Variants in ARHGAP24 observed in about 807,000 individuals in gnomAD.
The protein encoded by ARHGAP24 is Rho GTPase activating protein 24.
A neutral mutation model predicts 76.4 loss-of-function variants in ARHGAP24; 50 were observed. The ratio of observed to expected loss-of-function variants is 0.65; its 90% CI spans 0.52 to 0.83. ARHGAP24 has a LOEUF of 0.83. Among genes scored for constraint, ARHGAP24 ranks in the 40% least tolerant of loss-of-function variants. The pLI is 0.00. For missense variants in ARHGAP24, 930 were observed against 914.2 expected (o/e 1.02, Z -0.22); for synonymous variants, 345 against 323.3 (o/e 1.07, Z -0.72).
At chr4:85,787,481 T>G (rs938680512) in intron 3 of ARHGAP24, among the ~76,000 whole-genome samples, 1 of 152,192 alleles carries the variant, frequency 6.6e-6, no homozygotes, top group Non-Finnish European at 1.5e-5. Context: ...CCAATCCCAT[T>G]TATTTTGTGA....
chr4:85,854,024 A>G (rs1481348856), intron 3 of ARHGAP24, among the ~76,000 whole-genome samples: 3 of 151,380 alleles, frequency 2.0e-5, no homozygotes, highest in Non-Finnish European at 4.4e-5. Context: ...AATCTCAGCT[A>G]CTCAGGAACC....
chr4:85,873,427 T>C (rs1732652599), intron 3 of ARHGAP24, among the ~76,000 whole-genome samples: 1 of 152,216 alleles, frequency 6.6e-6, no homozygotes, highest in Non-Finnish European at 1.5e-5. Flanking sequence ...AATCAATTTT[T>C]GTCATTCAGC....
At chr4:85,852,103 G>A (rs1021236923) in intron 3 of ARHGAP24, among the ~76,000 whole-genome samples, 1 of 152,150 alleles carries the variant, frequency 6.6e-6, no homozygotes, top group Admixed American at 6.5e-5. Flanking sequence ...ACGTAGATTT[G>A]ATCTTCTCAC....
At chr4:85,713,324 A>C (rs187255145) in intron 2 of ARHGAP24, among the ~76,000 whole-genome samples, 1 of 152,158 alleles carries the variant, frequency 6.6e-6, no homozygotes, top group African/African-American at 2.4e-5. Context: ...AAGTTCATTA[A>C]TTAATAAAAA....
chr4:85,758,115 A>T (rs1480681212), intron 3 of ARHGAP24, among the ~76,000 whole-genome samples: 2 of 152,230 alleles, frequency 1.3e-5, no homozygotes, highest in African/African-American at 4.8e-5. Context: ...TTCTGTCAAA[A>T]ATACAATGGC....
chr4:85,862,607 ATTCCT>A (rs1464765583), intron 3 of ARHGAP24, among the ~76,000 whole-genome samples: 1 of 152,042 alleles, frequency 6.6e-6, no homozygotes, highest in African/African-American at 2.4e-5. Context: ...CCTACTCTGA[ATTCCT>A]GTCCCAGCCT....
At chr4:85,717,237 C>G (rs532113820) in intron 2 of ARHGAP24, among the ~76,000 whole-genome samples, 30 of 152,082 alleles carry the variant, frequency 2.0e-4, no homozygotes, top group South Asian at 1.7e-3. Context: ...TCATCTTTTA[C>G]TCTTCCTTCT....
chr4:85,945,471 C>T (rs1056467401), intron 5 of ARHGAP24, among the ~76,000 whole-genome samples: 2 of 151,802 alleles, frequency 1.3e-5, no homozygotes, highest in African/African-American at 4.8e-5. Flanking sequence ...TTAAAAGTTA[C>T]ATATGAAAAG....
intron 5 of ARHGAP24, among the ~76,000 whole-genome samples, chr4:85,970,291 C>T (rs940545304): frequency 1.3e-5 from 2 of 152,180 alleles, no homozygotes; most frequent in East Asian, 1.9e-4. Context: ...ACACACCCTT[C>T]GGATCTTGGC....
rs113653453 is a variant in ARHGAP24 at position 85,530,567 on chromosome 4, C to A, written c.-20-39955C>A. Among the ~76,000 whole-genome samples, 1,465 of 151,570 alleles carry A rather than the reference C, an allele frequency of 9.7e-3. 13 individuals carry two copies. The highest frequency in any genetic ancestry group is 0.019 in the East Asian group (96 of 5,170). On this transcript the variant is annotated intron_variant, in intron 1 of 9. Coordinates refer to ENST00000395184, the MANE Select transcript of ARHGAP24 (RefSeq NM_001025616.3). ...CGACTGTTTTTCCAATAAACACTCA[C>A]ATAATAATTCACTGGGAAATATTAT... is the stretch of plus-strand genomic sequence containing the variant.
At chr4:85,967,796 G>T (rs1293903671) in intron 5 of ARHGAP24, among the ~76,000 whole-genome samples, 1 of 152,132 alleles carries the variant, frequency 6.6e-6, no homozygotes. Context: ...CCTGTTAAAA[G>T]ACAGAATTAC....
intron 3 of ARHGAP24, among the ~76,000 whole-genome samples, chr4:85,776,721 T>G (rs1727320860): frequency 6.6e-6 from 1 of 152,156 alleles, no homozygotes; most frequent in Non-Finnish European, 1.5e-5. Context: ...AAACAATCTG[T>G]GACTTCTCTT....
rs77918491 is a variant in ARHGAP24, at chr4:85,878,152, G to T, written c.269-45496G>T. Among the ~76,000 whole-genome samples the T allele has an allele frequency of 7.0e-3, 1,072 of 152,172 alleles. 32 individuals carry two copies. The East Asian group carries it at 0.11, about 15-fold the overall frequency. On this transcript the variant is annotated intron_variant, in intron 3 of 9. Transcript: ENST00000395184. ...TTAATGTCTAATTATGCATAGATAG[G>T]TAGATAGAAAAACAGAGAGTTAGAT...
chr4:85,728,279 T>C (rs943781929), intron 3 of ARHGAP24, among the ~76,000 whole-genome samples: 17 of 140,898 alleles, frequency 1.2e-4, no homozygotes, highest in Non-Finnish European at 2.0e-4. Flanking sequence ...AAATTGCACA[T>C]ACTTTTGAGG....
intron 3 of ARHGAP24, among the ~76,000 whole-genome samples, chr4:85,787,726 C>T (rs1727917659): frequency 6.6e-6 from 1 of 152,016 alleles, no homozygotes; most frequent in Non-Finnish European, 1.5e-5. Context: ...AGAGGAGATA[C>T]AAAGAGACAT....
At chr4:85,688,429 T>C (rs1472207817) in intron 2 of ARHGAP24, among the ~76,000 whole-genome samples, 3 of 152,208 alleles carry the variant, frequency 2.0e-5, no homozygotes, top group East Asian at 1.9e-4. Context: ...TTATTTGTTT[T>C]CTGCTTGTTA....
chr4:85,641,097 T>C (rs1721503711), intron 2 of ARHGAP24, among the ~76,000 whole-genome samples: 2 of 152,080 alleles, frequency 1.3e-5, no homozygotes, highest in Non-Finnish European at 2.9e-5. Context: ...TCTGGAGGAA[T>C]CTTCTTTTCT....
intron 1 of ARHGAP24, among the ~76,000 whole-genome samples, chr4:85,500,786 A>T (rs1723772665): frequency 6.6e-6 from 1 of 152,128 alleles, no homozygotes; most frequent in Non-Finnish European, 1.5e-5. Context: ...TTACATAGGT[A>T]TACATGTGCC....
chr4:85,523,216 C>T (rs1409293437), intron 1 of ARHGAP24, among the ~76,000 whole-genome samples: 1 of 152,186 alleles, frequency 6.6e-6, no homozygotes, highest in Admixed American at 6.6e-5. Context: ...AGCACTTTCC[C>T]TTGTGTCACC....
Sources: allele counts gnomAD v4.1 joint callset (sites outside exome capture counted in the v4.1 genomes callset), GRCh38; gene constraint gnomAD v4.1.1; transcripts MANE v1.5; gene names NCBI Gene and HGNC (gene_info 2026-07-23, HGNC 2026-07-21).